Variants in ABCC1 observed in about 807,000 individuals in gnomAD.
The protein encoded by ABCC1 is ATP binding cassette subfamily C member 1 (ABCC1 blood group).
ABCC1 carries 83 observed loss-of-function variants against 172.9 expected under a neutral mutation model. The observed-to-expected ratio is 0.48, with a 90% CI of 0.40 to 0.58. The LOEUF is 0.58. ABCC1 is among the 20% of genes least tolerant of loss of function. The probability of loss-of-function intolerance (pLI) is 0.00; values close to 1 mark genes in which losing one functional copy is unlikely to be tolerated. For missense variants in ABCC1, 1,817 were observed against 2,002.7 expected (o/e 0.91, Z 1.77); for synonymous variants, 937 against 825.2 (o/e 1.14, Z -2.32).
At chr16:16,048,057 C>T (rs1474738879) in intron 9 of ABCC1, 85 bp from the exon 10 acceptor site, 11 of 1,493,492 alleles carry the variant, frequency 7.4e-6, no homozygotes, top group Admixed American at 1.8e-5. Context: ...CCCTGAGAGT[C>T]TCCTTCCTCT....
intron 16 of ABCC1, 149 bp from the exon 17 acceptor site, chr16:16,083,217 G>A (rs2050873013): frequency 1.3e-6 from 1 of 748,882 alleles, no homozygotes. Flanking sequence ...TGTCCTTTGT[G>A]AGTCAGTTTC....
At chr16:16,091,016 T>A (rs3851713) in intron 19 of ABCC1, among the ~76,000 whole-genome samples, 118,446 of 151,922 alleles carry the variant, frequency 0.78, 46,479 homozygotes, top group Non-Finnish European at 0.84. Flanking sequence ...GGAGTTAAGC[T>A]GGCAGGCTCG....
intron 14 of ABCC1, 68 bp from the exon 15 acceptor site, chr16:16,076,258 A>C: frequency 1.4e-6 from 2 of 1,467,468 alleles, no homozygotes; most frequent in Non-Finnish European, 1.9e-6. Context: ...AAGCAGAGAA[A>C]GAGAGTGTTC....
At chr16:15,956,147 G>T (rs2151484237) in intron 1 of ABCC1, among the ~76,000 whole-genome samples, 1 of 152,222 alleles carries the variant, frequency 6.6e-6, no homozygotes, top group East Asian at 1.9e-4. Context: ...GCCAAGGCAG[G>T]CAGATCACTT....
chr16:16,117,730 AC>A, intron 23 of ABCC1, among the ~76,000 whole-genome samples: 1 of 152,164 alleles, frequency 6.6e-6, no homozygotes, highest in East Asian at 1.9e-4. Flanking sequence ...ATATGGTGAA[AC>A]CCCACCTCTA....
At chr16:16,058,012 C>T (rs967430555) in intron 12 of ABCC1, among the ~76,000 whole-genome samples, 1 of 152,080 alleles carries the variant, frequency 6.6e-6, no homozygotes, top group African/African-American at 2.4e-5. Context: ...ACCCTTTCTC[C>T]CATTCCTTGC....
chr16:16,051,193 A>G (rs1218402229), intron 10 of ABCC1, among the ~76,000 whole-genome samples: 3 of 151,572 alleles, frequency 2.0e-5, no homozygotes, highest in African/African-American at 7.3e-5. Flanking sequence ...TTTAAGGGAC[A>G]GAGTCTTGCT....
At chr16:16,063,138 A>C (rs1366960337) in intron 12 of ABCC1, among the ~76,000 whole-genome samples, 1 of 152,058 alleles carries the variant, frequency 6.6e-6, no homozygotes, top group African/African-American at 2.4e-5. Flanking sequence ...ACGGAGTCTC[A>C]TTCTGCCGCC....
intron 20 of ABCC1, among the ~76,000 whole-genome samples, chr16:16,105,206 A>G (rs2052024160): frequency 6.6e-6 from 1 of 152,208 alleles, no homozygotes; most frequent in African/African-American, 2.4e-5. Flanking sequence ...TACACAGCCT[A>G]AATTCTAGTG....
chr16:16,122,058 C>A lies in ABCC1; in HGVS notation c.3474C>A (p.Thr1158=). The change falls in exon 24 of 31, where the codon ACC becomes ACA. Residue 1158 remains threonine, a synonymous_variant. Coordinates refer to ENST00000399410, the MANE Select transcript of ABCC1 (RefSeq NM_004996.4). ...RSPVYSHFNE[T]LLGVSVIRAF... ...CGGTCTATTCCCATTTCAACGAGACCTTGCTGGGGGTCAGCGTCATTCGAG... is the reference window on the plus strand; with the variant it reads ...CGGTCTATTCCCATTTCAACGAGACATTGCTGGGGGTCAGCGTCATTCGAG... 6 of 1,614,208 alleles carry A rather than the reference C, an allele frequency of 3.7e-6. No individual in the cohort carries two copies. Among genetic ancestry groups the A allele is most frequent in the Non-Finnish European group, 4.2e-6 (5 of 1,180,040 alleles).
chr16:16,047,394 C>T lies in ABCC1; in HGVS notation c.1219-748C>T, dbSNP rs1335572683. 2.0e-5 allele frequency among the ~76,000 whole-genome samples: 3 copies of T among 152,262 alleles called. 1 individual carries two copies. The highest frequency in any genetic ancestry group is 4.1e-4 in the South Asian group (2 of 4,824). ...GCAGCCTCCACCTCCTGGGCTCAAA[C>T]GATCCTGCCACCTCAGCCCACCACG... On this transcript the variant is annotated intron_variant, in intron 9 of 30. Coordinates refer to ENST00000399410, the MANE Select transcript of ABCC1 (RefSeq NM_004996.4).
chr16:16,121,861 AT>A, intron 23 of ABCC1, 113 bp from the exon 24 acceptor site: 1 of 1,129,714 alleles, frequency 8.9e-7, no homozygotes, highest in Non-Finnish European at 1.3e-6. Context: ...CGGCTCTAAC[AT>A]TTTGCCTCCT....
chr16:16,018,761 A>C (rs558636844), intron 5 of ABCC1, among the ~76,000 whole-genome samples: 22 of 144,402 alleles, frequency 1.5e-4, no homozygotes, highest in African/African-American at 5.7e-4. Context: ...TTATATGTGA[A>C]TGTGTGCTTG....
intron 2 of ABCC1, among the ~76,000 whole-genome samples, chr16:16,008,688 C>T (rs45471399): frequency 1.3e-5 from 2 of 151,288 alleles, no homozygotes; most frequent in East Asian, 3.9e-4. Flanking sequence ...ACTAAAAATA[C>T]AAAAATGAGC....
chr16:16,099,432 G>T (rs1259913645), intron 19 of ABCC1, among the ~76,000 whole-genome samples: 1 of 152,218 alleles, frequency 6.6e-6, no homozygotes, highest in African/African-American at 2.4e-5. Flanking sequence ...GCCTTCTGCA[G>T]TGTGTGGCTT....
At chr16:16,048,503 CCTT>C (rs1257405755) in intron 10 of ABCC1, among the ~76,000 whole-genome samples, 200 bp downstream of exon 10, 1 of 152,150 alleles carries the variant, frequency 6.6e-6, no homozygotes, top group African/African-American at 2.4e-5. Context: ...TTGATGTTCT[CCTT>C]GGTGGCATGG....
chr16:16,134,772 G>A (rs558889552), intron 28 of ABCC1, among the ~76,000 whole-genome samples: 12 of 152,104 alleles, frequency 7.9e-5, no homozygotes, highest in African/African-American at 2.6e-4. Context: ...GAGTAGCTGG[G>A]ACTACAGGCA....
intron 17 of ABCC1, 105 bp downstream of exon 17, chr16:16,083,647 C>G: frequency 2.1e-6 from 3 of 1,450,632 alleles, no homozygotes; most frequent in South Asian, 2.5e-5. Flanking sequence ...TCAGCTGACC[C>G]GGCAGGGCTC....
At chr16:16,117,703 C>G (rs988651198) in intron 23 of ABCC1, among the ~76,000 whole-genome samples, 1 of 152,174 alleles carries the variant, frequency 6.6e-6, no homozygotes, top group African/African-American at 2.4e-5. Flanking sequence ...GTCAGGAGTT[C>G]GAGAGCAGCC....
Sources: gnomAD v4.1 joint callset for allele counts (sites outside exome capture counted in the v4.1 genomes callset) on GRCh38, gnomAD v4.1.1 for gene constraint, MANE v1.5 for transcripts, NCBI Gene and HGNC (gene_info 2026-07-23, HGNC 2026-07-21) for gene names.